NPAS3: variants seen among roughly 807,000 people sequenced by gnomAD.
NPAS3 encodes neuronal PAS domain-containing protein 3.
Under a neutral mutation model 73.1 loss-of-function variants are expected in NPAS3, and 14 were observed. The ratio of observed to expected loss-of-function variants is 0.19; its 90% CI spans 0.13 to 0.30. The LOEUF (loss-of-function observed/expected upper bound fraction) is 0.30. Ranked by LOEUF, NPAS3 falls within the 10% of genes least tolerant of loss-of-function variation. The pLI, the probability that NPAS3 is intolerant of heterozygous loss-of-function variation, is 1.00. For synonymous variants in NPAS3, 620 were observed against 541.5 expected (o/e 1.14, Z -2.01); for missense variants, 1,096 against 1,250.0 (o/e 0.88, Z 1.86).
intron 1 of NPAS3, among the ~76,000 whole-genome samples, chr14:32,992,688 A>G (rs1246594035): frequency 6.6e-6 from 1 of 152,204 alleles, no homozygotes; most frequent in Admixed American, 6.5e-5. Flanking sequence ...TGAAGATACT[A>G]AATATTACCC....
chr14:33,292,716 G>A (rs976406232), intron 3 of NPAS3, among the ~76,000 whole-genome samples: 4 of 152,066 alleles, frequency 2.6e-5, no homozygotes, highest in Admixed American at 6.6e-5. Context: ...TTGTTGGAGG[G>A]GGAGTCCGCA....
intron 5 of NPAS3, among the ~76,000 whole-genome samples, chr14:33,595,801 G>A (rs1311310334): frequency 6.6e-6 from 1 of 152,116 alleles, no homozygotes; most frequent in Non-Finnish European, 1.5e-5. Context: ...CTCCCAACTA[G>A]CTGGGACTAC....
intron 3 of NPAS3, among the ~76,000 whole-genome samples, chr14:33,356,218 G>C (rs2045331775): frequency 6.6e-6 from 1 of 152,214 alleles, no homozygotes; most frequent in African/African-American, 2.4e-5. Flanking sequence ...AAGCAAGACA[G>C]CTGGAAAACA....
chr14:33,533,788 T>C (rs2054140822), intron 4 of NPAS3, among the ~76,000 whole-genome samples: 1 of 150,858 alleles, frequency 6.6e-6, no homozygotes, highest in Admixed American at 6.6e-5. Context: ...AAATGTATTG[T>C]GAGAATTTTT....
intron 3 of NPAS3, among the ~76,000 whole-genome samples, chr14:33,347,987 G>A (rs1566818907): frequency 6.6e-6 from 1 of 152,102 alleles, no homozygotes; most frequent in Non-Finnish European, 1.5e-5. Flanking sequence ...TGAGTCAGTA[G>A]GAGCCTGTCT....
chr14:33,265,051 T>C (rs980757147), intron 3 of NPAS3, among the ~76,000 whole-genome samples: 1 of 152,226 alleles, frequency 6.6e-6, no homozygotes, highest in African/African-American at 2.4e-5. Flanking sequence ...CTAGCTACCA[T>C]CATCACTACT....
chr14:33,586,248 T>TTTTTTTTTTTTTTTTTTTGAGACG (rs1271344458), intron 5 of NPAS3, among the ~76,000 whole-genome samples: 3 of 150,392 alleles, frequency 2.0e-5, no homozygotes, highest in African/African-American at 7.4e-5. Flanking sequence ...GATGTTTTAT[T>TTTTTTTTTTTTTTTTTTTGAGACG]GACTGTTTCA....
At chr14:33,506,211 G>A in intron 4 of NPAS3, among the ~76,000 whole-genome samples, 1 of 151,936 alleles carries the variant, frequency 6.6e-6, no homozygotes, top group Admixed American at 6.6e-5. Context: ...TATAAGCAAG[G>A]ATATTTGCCT....
intron 4 of NPAS3, among the ~76,000 whole-genome samples, chr14:33,442,367 C>T (rs1483072418): frequency 6.6e-6 from 1 of 151,704 alleles, no homozygotes; most frequent in African/African-American, 2.4e-5. Flanking sequence ...TTGCGTGAGC[C>T]CAGGGGTTGG....
rs139816475 is a variant in NPAS3, at chr14:32,959,062, G to C, written c.50+19696G>C. Among the ~76,000 whole-genome samples, 171 of 152,286 alleles carry C rather than the reference G, an allele frequency of 1.1e-3. No homozygotes were observed. The East Asian group carries it at 0.015, about 13-fold the overall frequency. On this transcript the variant is annotated intron_variant, in intron 1 of 11. Coordinates refer to ENST00000356141, the Ensembl canonical transcript of NPAS3. ...AAAAATCTCATAAAGCTTTAAGAAA[G>C]TTTAAGAATTTGTGTTGGGCCCTGG...
intron 4 of NPAS3, among the ~76,000 whole-genome samples, chr14:33,536,550 G>C (rs942191078): frequency 6.6e-6 from 1 of 152,108 alleles, no homozygotes; most frequent in Non-Finnish European, 1.5e-5. Flanking sequence ...ATGGGCTTTA[G>C]CTATGCAGTT....
At chr14:33,397,517 A>C (rs555321209) in intron 4 of NPAS3, among the ~76,000 whole-genome samples, 1 of 152,226 alleles carries the variant, frequency 6.6e-6, no homozygotes, top group East Asian at 1.9e-4. Context: ...TGGTGGCTCT[A>C]TTACACCAAT....
chr14:33,112,701 T>C (rs1473021074), intron 2 of NPAS3, among the ~76,000 whole-genome samples: 1 of 152,232 alleles, frequency 6.6e-6, no homozygotes, highest in East Asian at 1.9e-4. Flanking sequence ...TTTCCTTTTG[T>C]TGCCATTGCT....
At chr14:33,554,570 A>C (rs949147582) in intron 4 of NPAS3, among the ~76,000 whole-genome samples, 7 of 152,244 alleles carry the variant, frequency 4.6e-5, no homozygotes, top group African/African-American at 1.7e-4. Context: ...ATCTGTCATT[A>C]AAATAACCTA....
rs3057435 is a variant in NPAS3, at chr14:33,077,774, G to GTTTTTTTT, written c.140+21788_140+21795dup. 1.8e-4 allele frequency among the ~76,000 whole-genome samples: 16 copies of GTTTTTTTT among 87,484 alleles called. 1 individual carries two copies. The highest frequency in any genetic ancestry group is 1.9e-4 in the African/African-American group (5 of 25,788). 57.4% of individuals were successfully genotyped at this position (87,484 alleles called of 152,430 possible). A position where few individuals can be genotyped will look rare whatever the true frequency, so the allele number is the denominator to read the frequency against. On this transcript the variant is annotated intron_variant, in intron 2 of 11. Transcript: ENST00000356141. ...CTTTGCTCAAAACATTGCAGTAAGG[G>GTTTTTTTT]TTTTTTTTTTTTTTTGCCCCTTTTG...
At chr14:33,716,116 A>G (rs1242759603) in intron 6 of NPAS3, among the ~76,000 whole-genome samples, 1 of 152,216 alleles carries the variant, frequency 6.6e-6, no homozygotes. Flanking sequence ...CAAGACCACT[A>G]TCTCATTGGT....
At chr14:33,307,361 T>G (rs2042793914) in intron 3 of NPAS3, among the ~76,000 whole-genome samples, 1 of 152,168 alleles carries the variant, frequency 6.6e-6, no homozygotes, top group Admixed American at 6.5e-5. Context: ...TAAACACATG[T>G]GCTTTTTATT....
chr14:33,363,824 G>C (rs2045712632), intron 3 of NPAS3, among the ~76,000 whole-genome samples: 1 of 151,910 alleles, frequency 6.6e-6, no homozygotes, highest in Admixed American at 6.6e-5. Context: ...TGTATAAACT[G>C]TTCAACTCCT....
chr14:33,328,856 T>G (rs1424677123), intron 3 of NPAS3, among the ~76,000 whole-genome samples: 2 of 152,244 alleles, frequency 1.3e-5, no homozygotes, highest in African/African-American at 4.8e-5. Context: ...TATATTTCGC[T>G]TTATGGCTTT....
Sources: allele counts gnomAD v4.1 joint callset (sites outside exome capture counted in the v4.1 genomes callset), GRCh38; gene constraint gnomAD v4.1.1; transcripts MANE v1.5; gene names NCBI Gene and HGNC (gene_info 2026-07-23, HGNC 2026-07-21).